DAB1: variants seen among roughly 807,000 people sequenced by gnomAD.
DAB1 encodes disabled homolog 1.
A neutral mutation model predicts 64.6 loss-of-function variants in DAB1; 15 were observed. The ratio of observed to expected loss-of-function variants is 0.23; its 90% CI spans 0.16 to 0.36. The LOEUF is 0.36. DAB1 is among the 10% of genes least tolerant of loss of function. The pLI, the probability that DAB1 is intolerant of heterozygous loss-of-function variation, is 1.00. For synonymous variants in DAB1, 235 were observed against 251.9 expected, an observed-to-expected ratio of 0.93 and a Z score of 0.64; for missense variants, 596 against 706.7, an observed-to-expected ratio of 0.84 and a Z score of 1.78.
At chr1:57,985,393 T>C (rs574734951) in intron 5 of DAB1, among the ~76,000 whole-genome samples, 1 of 152,276 alleles carries the variant, frequency 6.6e-6, no homozygotes, top group African/African-American at 2.4e-5. Context: ...TGGAACATGT[T>C]TGTGTCACCC....
intron 2 of DAB1, among the ~76,000 whole-genome samples, chr1:58,523,370 C>T (rs1006989964): frequency 6.6e-6 from 1 of 152,166 alleles, no homozygotes; most frequent in Non-Finnish European, 1.5e-5. Flanking sequence ...ATGATGGAAT[C>T]TTCAGTGGTG....
intron 5 of DAB1, among the ~76,000 whole-genome samples, chr1:57,942,038 G>T (rs1302775679): frequency 6.6e-6 from 1 of 152,068 alleles, no homozygotes; most frequent in Non-Finnish European, 1.5e-5. Context: ...TTTCTTTTCT[G>T]GGTAGATGGG....
chr1:57,016,925 C>T (rs139882311), intron 11 of DAB1, among the ~76,000 whole-genome samples: 125 of 152,134 alleles, frequency 8.2e-4, no homozygotes, highest in African/African-American at 2.9e-3. Flanking sequence ...AATTGGTGCT[C>T]AAGGAAAAGC....
rs551225030 is a variant in DAB1, at chr1:58,107,337, G to C, written n.387+43174C>G. On this transcript the variant is annotated intron_variant and non_coding_transcript_variant, in intron 5 of 20. Coordinates refer to the DAB1 transcript ENST00000485760. ...AAAAAAAAAAGTAGCTGGGCGTGGT[G>C]GTGGGCACCTGTAATCCCCGCTACT... 7.2e-3 allele frequency among the ~76,000 whole-genome samples: 1,085 copies of C among 150,718 alleles called. 19 individuals are homozygous for C. Among genetic ancestry groups the C allele is most frequent in the African/African-American group, 0.025 (1,043 of 41,124 alleles).
At chr1:57,542,477 A>G (rs1381206601) in intron 7 of DAB1, among the ~76,000 whole-genome samples, 2 of 149,594 alleles carry the variant, frequency 1.3e-5, no homozygotes, top group East Asian at 2.0e-4. Context: ...TACTAGATGG[A>G]CCAAGACAGT....
At chr1:57,431,889 C>G (rs1187828725) in intron 7 of DAB1, among the ~76,000 whole-genome samples, 1 of 152,048 alleles carries the variant, frequency 6.6e-6, no homozygotes, top group Non-Finnish European at 1.5e-5. Context: ...TTTGGGAGGC[C>G]GAGGCCGGCA....
rs192822627 is a variant in DAB1 at position 57,763,117 on chromosome 1, T to C, written n.552-113452A>G. ...AAATGATTAACGATGCGACACAGGA[T>C]GTATCACATAGTCCAAATTTCTCTT... On this transcript the variant is annotated intron_variant and non_coding_transcript_variant, in intron 6 of 20. Transcript: ENST00000485760. Among the ~76,000 whole-genome samples the C allele has an allele frequency of 9.8e-5, 15 of 152,312 alleles. 1 individual carries two copies. Among genetic ancestry groups the C allele is most frequent in the Non-Finnish European group, 1.9e-4 (13 of 68,028 alleles).
intron 7 of DAB1, among the ~76,000 whole-genome samples, chr1:57,481,189 G>A (rs570345495): frequency 1.1e-4 from 16 of 152,230 alleles, no homozygotes; most frequent in Middle Eastern, 3.4e-3. Context: ...ACCACAGTCC[G>A]GAAATGGGAG....
At chr1:57,524,201 C>T (rs776919749) in intron 7 of DAB1, among the ~76,000 whole-genome samples, 12 of 151,578 alleles carry the variant, frequency 7.9e-5, no homozygotes, top group Middle Eastern at 3.4e-3. Context: ...GACATAGAGG[C>T]GAAAGTTTTC....
chr1:57,374,196 T>C (rs1680720107), intron 1 of DAB1, among the ~76,000 whole-genome samples: 1 of 152,056 alleles, frequency 6.6e-6, no homozygotes. Context: ...GACTATTTTA[T>C]TACCAGTGAT....
At chr1:57,649,938 A>T (rs188186195) in intron 6 of DAB1, among the ~76,000 whole-genome samples, 53 of 152,234 alleles carry the variant, frequency 3.5e-4, no homozygotes, top group African/African-American at 1.1e-3. Flanking sequence ...ATACATATGC[A>T]CATACATACA....
chr1:57,992,057 A>G (rs1646351493), intron 5 of DAB1, among the ~76,000 whole-genome samples: 1 of 152,224 alleles, frequency 6.6e-6, no homozygotes, highest in Non-Finnish European at 1.5e-5. Context: ...TGTCTCTTCC[A>G]CAAAGTGGGA....
At chr1:57,832,517 T>A (rs1002384423) in intron 1 of DAB1, among the ~76,000 whole-genome samples, 1 of 152,234 alleles carries the variant, frequency 6.6e-6, no homozygotes, top group African/African-American at 2.4e-5. Context: ...GTGCTCTCCA[T>A]TGCTGTGAGA....
At chr1:58,493,830 T>C (rs1285215548) in intron 3 of DAB1, among the ~76,000 whole-genome samples, 1 of 151,900 alleles carries the variant, frequency 6.6e-6, no homozygotes, top group African/African-American at 2.4e-5. Flanking sequence ...ATGGTGAAAA[T>C]GGCCATACTG....
intron 1 of DAB1, among the ~76,000 whole-genome samples, chr1:57,402,246 A>G (rs1683303264): frequency 6.6e-6 from 1 of 152,226 alleles, no homozygotes; most frequent in Non-Finnish European, 1.5e-5. Context: ...TGGTGCTACA[A>G]AATTTCAATC....
At chr1:57,918,603 T>C (rs1422490438) in intron 5 of DAB1, among the ~76,000 whole-genome samples, 1 of 151,954 alleles carries the variant, frequency 6.6e-6, no homozygotes, top group African/African-American at 2.4e-5. Context: ...GGCGGGCAGA[T>C]CACAAAGTCA....
At chr1:57,091,302 T>C (rs993917624) in intron 4 of DAB1, among the ~76,000 whole-genome samples, 7 of 152,128 alleles carry the variant, frequency 4.6e-5, no homozygotes, top group African/African-American at 1.2e-4. Context: ...TAAAAAAAAA[T>C]ACTTCCCATT....
At chr1:58,106,974 A>C (rs1651685181) in intron 5 of DAB1, among the ~76,000 whole-genome samples, 2 of 150,682 alleles carry the variant, frequency 1.3e-5, no homozygotes, top group African/African-American at 4.9e-5. Context: ...CCTCCTTCTA[A>C]AGCATTTATT....
chr1:58,156,613 G>T (rs1160023230), intron 4 of DAB1, among the ~76,000 whole-genome samples: 1 of 152,186 alleles, frequency 6.6e-6, no homozygotes, highest in Admixed American at 6.6e-5. Flanking sequence ...ACAGGGCAGG[G>T]TACCTAGTCC....
Sources: gnomAD v4.1 joint callset for allele counts (sites outside exome capture counted in the v4.1 genomes callset) on GRCh38, gnomAD v4.1.1 for gene constraint, MANE v1.5 for transcripts, NCBI Gene and HGNC (gene_info 2026-07-23, HGNC 2026-07-21) for gene names.